PCDH15: variants seen among roughly 807,000 people sequenced by gnomAD.
PCDH15 encodes protocadherin-15.
Under a neutral mutation model 178.5 loss-of-function variants are expected in PCDH15, and 129 were observed. The ratio of observed to expected loss-of-function variants is 0.72; its 90% confidence interval spans 0.63 to 0.84. The LOEUF is 0.84. Ranked by LOEUF, PCDH15 falls within the 40% of genes least tolerant of loss-of-function variation. The pLI is 0.00. For missense variants in PCDH15, 2,230 were observed against 2,099.9 expected, an observed-to-expected ratio of 1.06 and a Z score of -1.21; for synonymous variants, 800 against 732.0, an observed-to-expected ratio of 1.09 and a Z score of -1.50.
At chr10:53,940,840 A>G (rs1029712643) in intron 24 of PCDH15, 26 bp downstream of exon 24, 3 of 1,508,314 alleles carry the variant, frequency 2.0e-6, no homozygotes, top group Non-Finnish European at 2.8e-6. Context: ...GTTGATGGTG[A>G]GAACACAAAC....
At chr10:54,883,938 G>A (rs141061131) in intron 3 of PCDH15, among the ~76,000 whole-genome samples, 2,023 of 151,940 alleles carry the variant, frequency 0.013, 27 homozygotes, top group Non-Finnish European at 0.017. Context: ...CCTTATTGGT[G>A]GGAAATTATT....
chr10:54,342,884 G>A (rs1298064915), intron 6 of PCDH15, among the ~76,000 whole-genome samples: 1 of 152,164 alleles, frequency 6.6e-6, no homozygotes, highest in East Asian at 1.9e-4. Flanking sequence ...CTTGCATGGG[G>A]CCTGTGGTGC....
intron 3 of PCDH15, among the ~76,000 whole-genome samples, chr10:54,811,246 G>A (rs7918352): frequency 0.085 from 12,891 of 151,810 alleles, 622 homozygotes; most frequent in South Asian, 0.14. Flanking sequence ...GTTCACATAA[G>A]CAAATAAAAT....
At chr10:54,000,972 C>A (rs1470553210) in intron 20 of PCDH15, among the ~76,000 whole-genome samples, 1 of 152,114 alleles carries the variant, frequency 6.6e-6, no homozygotes, top group Admixed American at 6.6e-5. Context: ...TACAATGGAG[C>A]TCTAATACAT....
At chr10:54,796,072 C>A (rs1951924260) in intron 1 of PCDH15, among the ~76,000 whole-genome samples, 1 of 151,834 alleles carries the variant, frequency 6.6e-6, no homozygotes, top group Admixed American at 6.6e-5. Context: ...TCAATTCCAT[C>A]TGGTTCTGTA....
chr10:54,942,542 A>G (rs1838090820), intron 2 of PCDH15, among the ~76,000 whole-genome samples: 1 of 152,018 alleles, frequency 6.6e-6, no homozygotes, highest in Non-Finnish European at 1.5e-5. Flanking sequence ...AATGCTTTGC[A>G]TACTATAAGC....
At chr10:54,622,637 ATATAATTATATATATAC>A (rs2093403080) in intron 2 of PCDH15, among the ~76,000 whole-genome samples, 1 of 98,924 alleles carries the variant, frequency 1.0e-5, no homozygotes. Flanking sequence ...AATATATATT[ATATAATTATATATATAC>A]TATATAATAT....
At chr10:54,595,427 A>G (rs958729404) in intron 2 of PCDH15, among the ~76,000 whole-genome samples, 28 of 152,198 alleles carry the variant, frequency 1.8e-4, no homozygotes, top group African/African-American at 6.5e-4. Context: ...GTCATAAAAT[A>G]GAATAAAAGA....
At chr10:54,361,278 A>G (rs1946002506) in intron 5 of PCDH15, among the ~76,000 whole-genome samples, 1 of 152,070 alleles carries the variant, frequency 6.6e-6, no homozygotes, top group Non-Finnish European at 1.5e-5. Context: ...GTGTTGTCCA[A>G]GGGTCAACTG....
intron 2 of PCDH15, among the ~76,000 whole-genome samples, chr10:55,523,430 T>C (rs1841230678): frequency 6.6e-6 from 1 of 151,700 alleles, no homozygotes; most frequent in African/African-American, 2.4e-5. Flanking sequence ...TTTTGATAAG[T>C]GTATATAATA....
chr10:54,731,563 T>TATATATACACAC, intron 1 of PCDH15, among the ~76,000 whole-genome samples: 18 of 49,922 alleles, frequency 3.6e-4, no homozygotes, highest in African/African-American at 7.1e-4. Context: ...TATATATATA[T>TATATATACACAC]ACACACACAC....
At chr10:53,826,927 A>G (rs2076719084) in intron 32 of PCDH15, among the ~76,000 whole-genome samples, 1 of 152,146 alleles carries the variant, frequency 6.6e-6, no homozygotes, top group Admixed American at 6.5e-5. Context: ...ATTTTAAACC[A>G]GAGAATTTGG....
intron 2 of PCDH15, among the ~76,000 whole-genome samples, chr10:55,364,875 T>C (rs1845316916): frequency 6.6e-6 from 1 of 152,116 alleles, no homozygotes; most frequent in African/African-American, 2.4e-5. Flanking sequence ...GTATTTTTAA[T>C]AAATTAAAAA....
intron 9 of PCDH15, among the ~76,000 whole-genome samples, chr10:54,231,459 C>T (rs1032113635): frequency 5.3e-5 from 8 of 152,262 alleles, no homozygotes; most frequent in African/African-American, 1.9e-4. Context: ...TCATGGAACA[C>T]CTCTACCAGG....
chr10:54,323,179 G>C (rs1176797774), intron 7 of PCDH15, among the ~76,000 whole-genome samples: 2 of 152,050 alleles, frequency 1.3e-5, no homozygotes, highest in Middle Eastern at 3.2e-3. Context: ...TCTCATACCA[G>C]TTAGAATGGC....
intron 17 of PCDH15, among the ~76,000 whole-genome samples, chr10:54,069,671 AT>A (rs1400802338): frequency 3.8e-4 from 58 of 152,300 alleles, no homozygotes; most frequent in African/African-American, 1.4e-3. Context: ...ACCTATGGAA[AT>A]ATTTATAAAT....
At chr10:55,158,962 A>G (rs1280831532) in intron 2 of PCDH15, among the ~76,000 whole-genome samples, 3 of 151,842 alleles carry the variant, frequency 2.0e-5, no homozygotes, top group Non-Finnish European at 2.9e-5. Flanking sequence ...TGATGAAGCA[A>G]TTTTTAAAAT....
chr10:54,510,589 C>T (rs1372021379), intron 3 of PCDH15, among the ~76,000 whole-genome samples: 4 of 152,116 alleles, frequency 2.6e-5, no homozygotes, highest in Non-Finnish European at 5.9e-5. Flanking sequence ...ACAGGAAGAA[C>T]TACTAATGGC....
At chr10:54,831,580 G>C (rs1953228158) in intron 3 of PCDH15, among the ~76,000 whole-genome samples, 1 of 151,936 alleles carries the variant, frequency 6.6e-6, no homozygotes, top group Admixed American at 6.6e-5. Flanking sequence ...GTAGCTTTGG[G>C]AAATACAATG....
Sources: allele counts gnomAD v4.1 joint callset (sites outside exome capture counted in the v4.1 genomes callset), GRCh38; gene constraint gnomAD v4.1.1; transcripts MANE v1.5; gene names NCBI Gene and HGNC (gene_info 2026-07-23, HGNC 2026-07-21).